CFAP47: variants seen among roughly 807,000 people sequenced by gnomAD.
CFAP47 encodes the protein cilia- and flagella-associated protein 47.
In CFAP47, 29 loss-of-function variants were observed where a neutral mutation model predicts 148.1. The ratio of observed to expected loss-of-function variants is 0.20; its 90% CI spans 0.15 to 0.27. The LOEUF (loss-of-function observed/expected upper bound fraction) is 0.27. Ranked by LOEUF, CFAP47 falls within the 10% of genes least tolerant of loss-of-function variation. CFAP47 has a pLI of 1.00. For synonymous variants in CFAP47, 664 were observed against 577.3 expected (o/e 1.15, Z -2.15); for missense variants, 1,872 against 1,697.5 (o/e 1.10, Z -1.81).
chrX:36,147,226 A>ATGTC (rs35835264), intron 36 of CFAP47, among the ~76,000 whole-genome samples: 16,326 of 110,671 alleles, frequency 0.15, 2,595 homozygotes, highest in African/African-American at 0.47. Context: ...AGAATAAAGA[A>ATGTC]TGTCATTGCA....
chrX:36,251,294 G>A (rs1555998166), intron 48 of CFAP47, 39 bp from the exon 49 acceptor site: 4 of 442,299 alleles, frequency 9.0e-6, no homozygotes, highest in Non-Finnish European at 1.6e-5. Flanking sequence ...ATTTTATGTT[G>A]ATACTACATA....
At chrX:36,222,183 A>G (rs975886528) in intron 45 of CFAP47, among the ~76,000 whole-genome samples, 3 of 112,144 alleles carry the variant, frequency 2.7e-5, no homozygotes, top group Non-Finnish European at 5.6e-5. Flanking sequence ...TGGGAAGGCA[A>G]GTCCAGTGCT....
intron 54 of CFAP47, among the ~76,000 whole-genome samples, chrX:36,305,250 T>C (rs1039921137): frequency 7.1e-5 from 8 of 111,907 alleles, no homozygotes; most frequent in Admixed American, 2.9e-4. Context: ...TGTACACACA[T>C]TATTATATCA....
chrX:36,385,117 T>C lies in CFAP47; in HGVS notation c.*111T>C. 2.1e-6 allele frequency: 1 copy of C among 483,561 alleles called. No individual in the cohort carries two copies. Among genetic ancestry groups the C allele is most frequent in the Non-Finnish European group, 3.5e-6 (1 of 284,437 alleles). 39.9% of individuals were successfully genotyped at this position (483,561 alleles called of 1,213,427 possible). A position where few individuals can be genotyped will look rare whatever the true frequency, so the allele number is the denominator to read the frequency against. ...GTTTAATTATAATAGGCCTTCTATA[T>C]TTCCTTGTCTTTTAAAATTCAATCT... is the stretch of plus-strand genomic sequence containing the variant. On this transcript the variant is annotated 3_prime_UTR_variant, in exon 64 of 64. Transcript: ENST00000378653.
chrX:36,356,148 G>A (rs1277108599), intron 60 of CFAP47, among the ~76,000 whole-genome samples: 7 of 111,599 alleles, frequency 6.3e-5, no homozygotes, highest in African/African-American at 2.3e-4. Context: ...TATACCTTTT[G>A]ATATGGCTCT....
rs782742996 is a variant in CFAP47, at chrX:36,235,335, C to G, written c.7015-599C>G. The stretch of plus-strand genomic sequence containing the variant: ...GCCTGGGCAATGGCAGGCGCCCCTC[C>G]CCCAGCCTCGCTGCTGCCTTGCAGT... On this transcript the variant is annotated intron_variant, in intron 46 of 63. Transcript: ENST00000378653. Among the ~76,000 whole-genome samples, 7 of 112,441 alleles carry G rather than the reference C, an allele frequency of 6.2e-5. No homozygotes were observed. The East Asian group carries it at 1.7e-3, about 27-fold the overall frequency.
At position 35,953,704 on chromosome X, in the gene CFAP47, T is replaced by G; in HGVS notation, c.1159T>G (p.Tyr387Asp). The G allele has an allele frequency of 8.4e-7, 1 of 1,186,566 alleles. No individual in the cohort carries two copies. Among genetic ancestry groups the G allele is most frequent in the Non-Finnish European group, 1.1e-6 (1 of 881,234 alleles). Reference sequence around the variant, plus strand: ...AGATGGATTTTTGAGAGATGATGACTATAAAACCATCAAAAGTAAGTGTGA... The same window carrying G: ...AGATGGATTTTTGAGAGATGATGACGATAAAACCATCAAAAGTAAGTGTGA... ...SKDGFLRDDD[Y>D]KTIKSERFQK... The change falls in exon 7 of 64, where the codon TAT (tyrosine) becomes GAT (aspartate). Residue 387 changes from tyrosine to aspartate, a missense_variant. Transcript: ENST00000378653.
chrX:36,171,081 T>A (rs60023466), intron 39 of CFAP47, among the ~76,000 whole-genome samples: 1,633 of 111,075 alleles, frequency 0.015, 42 homozygotes, highest in African/African-American at 0.05. Context: ...GTTTTTTGGC[T>A]GCATAAATGT....
intron 25 of CFAP47, among the ~76,000 whole-genome samples, chrX:36,045,806 T>C (rs994388180): frequency 4.5e-5 from 5 of 111,946 alleles, no homozygotes; most frequent in Non-Finnish European, 9.4e-5. Context: ...TTGGAATTAA[T>C]GTATAAAGGT....
chrX:36,149,946 G>C (rs1004491759), intron 37 of CFAP47, among the ~76,000 whole-genome samples: 5 of 110,016 alleles, frequency 4.5e-5, no homozygotes, highest in Non-Finnish European at 9.5e-5. Flanking sequence ...TGATTATAAA[G>C]GCAGCATGTA....
At chrX:35,952,890 A>T (rs1253033284) in intron 6 of CFAP47, among the ~76,000 whole-genome samples, 1 of 112,174 alleles carries the variant, frequency 8.9e-6, no homozygotes, top group Non-Finnish European at 1.9e-5. Context: ...TTGAAGTCTT[A>T]GTTAAATGTG....
intron 44 of CFAP47, among the ~76,000 whole-genome samples, chrX:36,202,618 C>A (rs191293396): frequency 9.0e-6 from 1 of 111,658 alleles, no homozygotes; most frequent in African/African-American, 3.3e-5. Context: ...TGTCTCACGC[C>A]TGTAATCCCA....
intron 33 of CFAP47, among the ~76,000 whole-genome samples, chrX:36,107,660 A>G (rs2146799694): frequency 8.9e-6 from 1 of 111,947 alleles, no homozygotes; most frequent in South Asian, 3.7e-4. Flanking sequence ...ACAGTGTTCT[A>G]TACAGACTTA....
At chrX:36,067,013 T>C (rs905002261) in intron 27 of CFAP47, among the ~76,000 whole-genome samples, 23 of 111,992 alleles carry the variant, frequency 2.1e-4, no homozygotes, top group African/African-American at 7.5e-4. Flanking sequence ...ACTTGACTAT[T>C]CTCTTTCTCC....
intron 49 of CFAP47, among the ~76,000 whole-genome samples, chrX:36,279,462 A>G (rs1941054445): frequency 8.9e-6 from 1 of 111,973 alleles, no homozygotes; most frequent in African/African-American, 3.2e-5. Flanking sequence ...ACCATAATTC[A>G]ACTAAACAGT....
At chrX:36,185,812 T>C (rs1939800653) in intron 40 of CFAP47, among the ~76,000 whole-genome samples, 1 of 111,592 alleles carries the variant, frequency 9.0e-6, no homozygotes, top group Non-Finnish European at 1.9e-5. Context: ...CTTCTACATG[T>C]GAGAATGGGC....
At chrX:36,197,129 T>C (rs1555987364) in intron 42 of CFAP47, among the ~76,000 whole-genome samples, 1 of 111,999 alleles carries the variant, frequency 8.9e-6, no homozygotes, top group African/African-American at 3.2e-5. Context: ...ATTGAACATG[T>C]TAGTCAAAAT....
intron 2 of CFAP47, among the ~76,000 whole-genome samples, chrX:35,937,480 C>T (rs1255086733): frequency 1.8e-5 from 2 of 110,067 alleles, no homozygotes; most frequent in Non-Finnish European, 3.8e-5. Flanking sequence ...TCCTTTTCAC[C>T]ACCTTTCATC....
At chrX:36,201,208 C>T (rs1297716575) in intron 43 of CFAP47, 66 bp from the exon 44 acceptor site, 4 of 294,095 alleles carry the variant, frequency 1.4e-5, no homozygotes, top group African/African-American at 1.1e-4. Flanking sequence ...CCAAGTCCAT[C>T]CTGGATGACA....
Sources: gnomAD v4.1 joint callset for allele counts (sites outside exome capture counted in the v4.1 genomes callset) on GRCh38, gnomAD v4.1.1 for gene constraint, MANE v1.5 for transcripts, NCBI Gene and HGNC (gene_info 2026-07-23, HGNC 2026-07-21) for gene names.